The following ARHGAP15 variants were observed in gnomAD, a reference collection of about 807,000 sequenced individuals.
ARHGAP15 encodes rho GTPase-activating protein 15.
In ARHGAP15, 51 loss-of-function variants were observed where a neutral mutation model predicts 63.7. The ratio of observed to expected loss-of-function variants is 0.80; its 90% CI spans 0.64 to 1.01. The LOEUF (loss-of-function observed/expected upper bound fraction) is 1.01. Ranked by LOEUF, ARHGAP15 falls within the 50% of genes least tolerant of loss-of-function variation. The probability of loss-of-function intolerance (pLI) is 0.00; values close to 1 mark genes in which losing one functional copy is unlikely to be tolerated. For missense variants in ARHGAP15, 560 were observed against 564.6 expected, an observed-to-expected ratio of 0.99 and a Z score of 0.08; for synonymous variants, 191 against 193.8, an observed-to-expected ratio of 0.99 and a Z score of 0.12.
intron 2 of ARHGAP15, chr2:143,193,397 C>T (rs1182894434): frequency 1.3e-5 from 2 of 152,640 alleles, no homozygotes; most frequent in East Asian, 3.9e-4. Context: ...AGCTGTCTGG[C>T]CTGAGCCAAC....
chr2:143,246,104 A>G (rs1009258262), intron 5 of ARHGAP15, among the ~76,000 whole-genome samples: 10 of 152,170 alleles, frequency 6.6e-5, no homozygotes, highest in African/African-American at 2.4e-4. Context: ...TGTGATCAAG[A>G]ACTTTAAACT....
chr2:143,766,317 C>A (rs1256851907), intron 13 of ARHGAP15, among the ~76,000 whole-genome samples: 1 of 152,206 alleles, frequency 6.6e-6, no homozygotes, highest in African/African-American at 2.4e-5. Flanking sequence ...GGACGTAACT[C>A]CTCCCTTTGT....
Position 143,229,195 on chromosome 2 carries a change from A to G in ARHGAP15, c.384+527A>G, listed in dbSNP as rs568262686. 5.9e-5 allele frequency among the ~76,000 whole-genome samples: 9 copies of G among 152,226 alleles called. No individual in the cohort carries two copies. The East Asian group carries it at 1.7e-3, about 29-fold the overall frequency. On this transcript the variant is annotated intron_variant, in intron 5 of 13. Transcript: ENST00000295095. ...TTCAGACATTAATAAATAATAATAAACTGTTTATAAATGGCACCTTAATAT... is the reference window on the plus strand; with the variant it reads ...TTCAGACATTAATAAATAATAATAAGCTGTTTATAAATGGCACCTTAATAT...
intron 2 of ARHGAP15, among the ~76,000 whole-genome samples, chr2:143,189,727 G>T (rs1407703598): frequency 1.3e-5 from 2 of 152,050 alleles, no homozygotes; most frequent in Non-Finnish European, 1.5e-5. Context: ...CTCCCAAAGT[G>T]CTGGGATTAC....
intron 6 of ARHGAP15, among the ~76,000 whole-genome samples, chr2:143,330,987 G>T (rs1001644538): frequency 3.2e-4 from 49 of 152,134 alleles, no homozygotes; most frequent in African/African-American, 1.1e-3. Context: ...GATGGTCCTC[G>T]TTGGGCCCTT....
intron 6 of ARHGAP15, among the ~76,000 whole-genome samples, chr2:143,330,094 CAAAAAAAAAAAAAAAAAA>C (rs1303438123): frequency 1.8e-3 from 3 of 1,688 alleles, no homozygotes; most frequent in Non-Finnish European, 4.1e-3. Flanking sequence ...GGCTCTGTCT[CAAAAAAAAAAAAAAAAAA>C]AAAAAAAAAA....
intron 12 of ARHGAP15, among the ~76,000 whole-genome samples, chr2:143,655,315 C>A (rs1023516122): frequency 7.9e-5 from 12 of 152,074 alleles, no homozygotes; most frequent in South Asian, 4.2e-4. Context: ...TTCTTAAGGG[C>A]AGCATTTTTC....
intron 6 of ARHGAP15, among the ~76,000 whole-genome samples, chr2:143,320,410 C>CCGCCCCCCCCTG (rs1553463623): frequency 5.3e-5 from 1 of 19,022 alleles, no homozygotes; most frequent in Non-Finnish European, 1.2e-4. Flanking sequence ...ACTTCCCCAC[C>CCGCCCCCCCCTG]CCCCCCCCCC....
At chr2:143,176,331 T>G (rs1691008773) in intron 2 of ARHGAP15, among the ~76,000 whole-genome samples, 1 of 152,186 alleles carries the variant, frequency 6.6e-6, no homozygotes, top group Admixed American at 6.5e-5. Context: ...GAGAAAAGTA[T>G]TTAATAAGAA....
chr2:143,404,998 C>T (rs1364769799), intron 6 of ARHGAP15, among the ~76,000 whole-genome samples: 2 of 151,888 alleles, frequency 1.3e-5, no homozygotes, highest in African/African-American at 4.8e-5. Context: ...TTTACAACTT[C>T]TACATGAAAA....
intron 12 of ARHGAP15, among the ~76,000 whole-genome samples, chr2:143,643,427 A>ACCCCCCCCCCCCCCCCCC: frequency 7.8e-6 from 1 of 128,344 alleles, no homozygotes; most frequent in Non-Finnish European, 1.6e-5. Context: ...CCCTCCACCC[A>ACCCCCCCCCCCCCCCCCC]CCCCCCCCCA....
chr2:143,311,286 C>G (rs576657436), intron 6 of ARHGAP15, among the ~76,000 whole-genome samples: 1 of 145,842 alleles, frequency 6.9e-6, no homozygotes, highest in Non-Finnish European at 1.5e-5. Context: ...CTTCCCCTCC[C>G]TTTTTTTTTT....
intron 6 of ARHGAP15, among the ~76,000 whole-genome samples, chr2:143,253,987 T>A (rs1024839745): frequency 5.3e-5 from 8 of 152,118 alleles, no homozygotes; most frequent in Admixed American, 2.6e-4. Context: ...ACAAGTTTGA[T>A]GTAGTTCGAG....
intron 2 of ARHGAP15, among the ~76,000 whole-genome samples, chr2:143,175,518 C>T: frequency 6.6e-6 from 1 of 152,098 alleles, no homozygotes; most frequent in East Asian, 1.9e-4. Context: ...ATTGGTGCTT[C>T]TTCCCTGAGG....
At chr2:143,590,577 T>G (rs1697281893) in intron 11 of ARHGAP15, among the ~76,000 whole-genome samples, 1 of 152,178 alleles carries the variant, frequency 6.6e-6, no homozygotes, top group African/African-American at 2.4e-5. Flanking sequence ...GCCTGGCCCC[T>G]TCTTTTCCTC....
chr2:143,723,148 G>A (rs890435877), intron 13 of ARHGAP15, among the ~76,000 whole-genome samples: 1 of 152,210 alleles, frequency 6.6e-6, no homozygotes, highest in Non-Finnish European at 1.5e-5. Context: ...TAGCCTAGGA[G>A]CACTAGCCTA....
At chr2:143,277,259 G>GT (rs1681605812) in intron 6 of ARHGAP15, among the ~76,000 whole-genome samples, 1 of 151,772 alleles carries the variant, frequency 6.6e-6, no homozygotes, top group African/African-American at 2.4e-5. Flanking sequence ...ACACTCCTCA[G>GT]TAAGAAAAAA....
rs375778798 is a variant in ARHGAP15, at chr2:143,523,410, A to G, written c.925+4046A>G. 1.1e-3 allele frequency among the ~76,000 whole-genome samples: 171 copies of G among 152,302 alleles called. 1 individual carries two copies. Among genetic ancestry groups the G allele is most frequent in the African/African-American group, 4.0e-3 (165 of 41,576 alleles). ...ATATTTATCTGGTTTTATCTTCATT[A>G]TAAGACCAGGAGACATTTAATTTTG... On this transcript the variant is annotated intron_variant, in intron 10 of 13. Transcript: ENST00000295095.
intron 10 of ARHGAP15, among the ~76,000 whole-genome samples, chr2:143,525,450 A>G (rs1221679027): frequency 7.0e-6 from 1 of 141,890 alleles, no homozygotes; most frequent in Non-Finnish European, 1.5e-5. Flanking sequence ...GAGGTCAGTG[A>G]CCTATGTTTT....
Sources: gnomAD v4.1 joint callset for allele counts (sites outside exome capture counted in the v4.1 genomes callset) on GRCh38, gnomAD v4.1.1 for gene constraint, MANE v1.5 for transcripts, NCBI Gene and HGNC (gene_info 2026-07-23, HGNC 2026-07-21) for gene names.